The following DENND11 variants were observed in gnomAD, a reference collection of about 807,000 sequenced individuals.
DENND11 encodes DENN domain containing 11.
DENND11 carries 34 observed loss-of-function variants against 49.2 expected under a neutral mutation model. The ratio of observed to expected loss-of-function variants is 0.69; its 90% CI spans 0.53 to 0.92. DENND11 has a LOEUF of 0.92. Among genes scored for constraint, DENND11 ranks in the 40% least tolerant of loss-of-function variants. The pLI, the probability that DENND11 is intolerant of heterozygous loss-of-function variation, is 0.00. For synonymous variants in DENND11, 238 were observed against 230.3 expected (o/e 1.03, Z -0.30); for missense variants, 475 against 581.6 (o/e 0.82, Z 1.88).
intron 1 of DENND11, among the ~76,000 whole-genome samples, chr7:141,688,447 A>C (rs142830292): frequency 2.0e-5 from 3 of 152,234 alleles, no homozygotes; most frequent in Non-Finnish European, 2.9e-5. Context: ...ACTTTCAAAT[A>C]GTTTATTTTC....
Position 141,662,779 on chromosome 7 carries a change from C to CAA in DENND11, c.1244_1245insTT (p.Thr416Ter). On this transcript the variant is annotated frameshift_variant, in exon 9 of 9. Transcript: ENST00000536163. LOFTEE classifies it high-confidence loss of function. ...CCATGCCCCGGGCATGCTCTGCTGT[C>CAA]AGAGTTTTGTCTTGACTGGCAGACA... 6.2e-7 allele frequency: 1 copy of CAA among 1,606,718 alleles called. No homozygotes were observed. The highest frequency in any genetic ancestry group is 8.5e-7 in the Non-Finnish European group (1 of 1,176,462).
intron 3 of DENND11, among the ~76,000 whole-genome samples, chr7:141,678,334 G>T (rs1334686728): frequency 6.6e-6 from 1 of 152,178 alleles, no homozygotes; most frequent in Non-Finnish European, 1.5e-5. Flanking sequence ...CATGGGAAAA[G>T]ACTAGAATGG....
At chr7:141,685,029 A>AAAAAATAT (rs1305276426) in intron 3 of DENND11, among the ~76,000 whole-genome samples, 144 of 91,510 alleles carry the variant, frequency 1.6e-3, no homozygotes, top group African/African-American at 3.2e-3. Context: ...AAAAAAAAAA[A>AAAAAATAT]ATATATATAT....
intron 1 of DENND11, among the ~76,000 whole-genome samples, chr7:141,688,396 T>C (rs894360288): frequency 1.3e-5 from 2 of 152,232 alleles, no homozygotes; most frequent in Non-Finnish European, 2.9e-5. Flanking sequence ...ATGGTAGATA[T>C]CATAGAGCAT....
intron 3 of DENND11, among the ~76,000 whole-genome samples, chr7:141,679,442 G>C (rs1196201126): frequency 1.3e-5 from 2 of 152,198 alleles, no homozygotes; most frequent in Admixed American, 1.3e-4. Context: ...GCTGGGTGTG[G>C]TGGCTCATGC....
At chr7:141,666,174 C>T in intron 5 of DENND11, 113 bp downstream of exon 5, 2 of 1,217,908 alleles carry the variant, frequency 1.6e-6, no homozygotes, top group South Asian at 1.9e-5. Context: ...GGCTTAAAAC[C>T]CCATCCCCTG....
chr7:141,670,989 G>A (rs1587208559), intron 4 of DENND11, among the ~76,000 whole-genome samples: 1 of 152,144 alleles, frequency 6.6e-6, no homozygotes, highest in Non-Finnish European at 1.5e-5. Context: ...TTTTCTGCAC[G>A]TTGCTATTCT....
chr7:141,670,265 T>C (rs1011830607), intron 4 of DENND11, among the ~76,000 whole-genome samples: 30 of 152,186 alleles, frequency 2.0e-4, no homozygotes, highest in Non-Finnish European at 1.5e-5. Context: ...TTTCCATGTT[T>C]ATGTCTGGGT....
intron 1 of DENND11, among the ~76,000 whole-genome samples, chr7:141,698,480 T>C (rs903743000): frequency 1.3e-5 from 2 of 152,136 alleles, no homozygotes; most frequent in African/African-American, 4.8e-5. Context: ...GGCCCCCTGC[T>C]CCAGATGAGG....
chr7:141,677,539 C>A (rs918773584), intron 3 of DENND11, among the ~76,000 whole-genome samples: 11 of 126,710 alleles, frequency 8.7e-5, no homozygotes, highest in African/African-American at 3.2e-4. Context: ...ATATATATAT[C>A]TGTCTGAACA....
intron 3 of DENND11, among the ~76,000 whole-genome samples, chr7:141,676,890 G>T (rs1281311937): frequency 6.6e-6 from 1 of 152,138 alleles, no homozygotes; most frequent in East Asian, 1.9e-4. Flanking sequence ...GTAAAAACTA[G>T]AGAATAACCG....
Position 141,674,062 on chromosome 7 carries a change from C to G in DENND11, c.681+5G>C, listed in dbSNP as rs1409700824. The G allele has an allele frequency of 6.2e-7, 1 of 1,604,830 alleles. No homozygotes were observed. The highest frequency in any genetic ancestry group is 2.2e-5 in the East Asian group (1 of 44,574). On this transcript the variant is annotated splice_donor_5th_base_variant and intron_variant, in intron 4 of 8. Transcript: ENST00000536163. ...ATAGTGTAAGAAAAGCAGGGCTAAC[C>G]TCACCTTCATCTCAGGGTACATGTA...
At chr7:141,674,834 C>G (rs897246136) in intron 3 of DENND11, among the ~76,000 whole-genome samples, 3 of 152,226 alleles carry the variant, frequency 2.0e-5, no homozygotes, top group African/African-American at 7.2e-5. Context: ...CAGAGCCTGG[C>G]TGTGGCTGGC....
rs576701263 is a variant in DENND11, at chr7:141,671,455, G to A, written c.681+2612C>T. Among the ~76,000 whole-genome samples, 5 of 152,336 alleles carry A rather than the reference G, an allele frequency of 3.3e-5. No individual in the cohort carries two copies. In the South Asian group the frequency reaches 1.0e-3, roughly 32 times the overall value. On this transcript the variant is annotated intron_variant, in intron 4 of 8. Transcript: ENST00000536163. ...GCCTCCCAAAGTGTTGGGATTACAG[G>A]CGTGAGCCACCATGCCTGGCCGTTT...
At chr7:141,691,378 C>CAAGGGATGGTGG (rs1798325119) in intron 1 of DENND11, among the ~76,000 whole-genome samples, 1 of 152,194 alleles carries the variant, frequency 6.6e-6, no homozygotes, top group South Asian at 2.1e-4. Flanking sequence ...GAAATAGACT[C>CAAGGGATGGTGG]CTATCTTGAT....
chr7:141,665,312 C>CAGT lies in DENND11; in HGVS notation c.824_826dup (p.Tyr275dup), dbSNP rs1258967159. 6.2e-7 allele frequency: 1 copy of CAGT among 1,613,822 alleles called. No individual in the cohort carries two copies. The highest frequency in any genetic ancestry group is 8.5e-7 in the Non-Finnish European group (1 of 1,179,846). On this transcript the variant is annotated inframe_insertion, in exon 6 of 9. Coordinates refer to ENST00000536163, the MANE Select transcript of DENND11 (RefSeq NM_001080392.2). ...TGAAACGTTGGCCAAGCAGCAGCAG[C>CAGT]AGTACACTGTGGGGATAGAGGAGGT...
chr7:141,678,302 G>T (rs2117065150), intron 3 of DENND11, among the ~76,000 whole-genome samples: 1 of 152,292 alleles, frequency 6.6e-6, no homozygotes, highest in Admixed American at 6.5e-5. Flanking sequence ...AATAAAACGT[G>T]TATGTATAAT....
intron 2 of DENND11, 84 bp downstream of exon 2, chr7:141,686,475 T>TA: frequency 1.2e-6 from 1 of 833,626 alleles, no homozygotes; most frequent in Non-Finnish European, 2.0e-6. Context: ...CACGAAGACC[T>TA]CCTAATAAGA....
chr7:141,696,246 G>A (rs1798411915), intron 1 of DENND11, among the ~76,000 whole-genome samples: 1 of 152,152 alleles, frequency 6.6e-6, no homozygotes, highest in Non-Finnish European at 1.5e-5. Flanking sequence ...TCCTATCTAG[G>A]TTGACCACTG....
Sources: gnomAD v4.1 joint callset for allele counts (sites outside exome capture counted in the v4.1 genomes callset) on GRCh38, gnomAD v4.1.1 for gene constraint, MANE v1.5 for transcripts, NCBI Gene and HGNC (gene_info 2026-07-23, HGNC 2026-07-21) for gene names.